The following PPP2R2B variants were observed in gnomAD, a reference collection of about 807,000 sequenced individuals.
The protein encoded by PPP2R2B is protein phosphatase 2 regulatory subunit Bbeta.
In PPP2R2B, 5 loss-of-function variants were observed where a neutral mutation model predicts 46.0. The observed-to-expected ratio is 0.11, with a 90% CI of 0.06 to 0.23. PPP2R2B has a LOEUF of 0.23. PPP2R2B is among the 10% of genes least tolerant of loss of function. PPP2R2B has a pLI of 1.00. For missense variants in PPP2R2B, 367 were observed against 575.0 expected (o/e 0.64, Z 3.70); for synonymous variants, 215 against 206.7 (o/e 1.04, Z -0.34).
At chr5:146,859,335 T>C (rs1410807716) in intron 2 of PPP2R2B, among the ~76,000 whole-genome samples, 1 of 152,220 alleles carries the variant, frequency 6.6e-6, no homozygotes, top group Admixed American at 6.5e-5. Flanking sequence ...ACTCCTTCCT[T>C]GCCTAATATT....
chr5:146,658,058 G>C (rs2151103834), intron 5 of PPP2R2B, among the ~76,000 whole-genome samples: 1 of 152,270 alleles, frequency 6.6e-6, no homozygotes, highest in East Asian at 1.9e-4. Context: ...TCCTTGAGAA[G>C]CTTAGAGGAG....
In PPP2R2B at chr5:147,000,284, T is replaced by C. The variant is rs543969016; in HGVS notation, c.79+55381A>G. Among the ~76,000 whole-genome samples the C allele has an allele frequency of 5.6e-4, 86 of 152,272 alleles. No individual in the cohort carries two copies. In the South Asian group the frequency reaches 6.8e-3, roughly 12 times the overall value. On this transcript the variant is annotated intron_variant, in intron 1 of 8. Coordinates refer to the PPP2R2B transcript ENST00000336640. ...TAGGATGAGTGCCTCATTCACTTGA[T>C]TCTAATCCCTGCTGTTAGTTCAATC...
intron 2 of PPP2R2B, among the ~76,000 whole-genome samples, chr5:146,868,681 C>T (rs926796718): frequency 5.9e-5 from 9 of 152,194 alleles, no homozygotes; most frequent in Non-Finnish European, 1.2e-4. Flanking sequence ...CCATTTCCCC[C>T]CAGTTCATTT....
chr5:146,980,868 T>A (rs1753140278), intron 1 of PPP2R2B, among the ~76,000 whole-genome samples: 1 of 152,202 alleles, frequency 6.6e-6, no homozygotes, highest in South Asian at 2.1e-4. Flanking sequence ...TTAAAAACTC[T>A]ATATCCTTAC....
At chr5:146,762,179 G>A (rs1754207412) in intron 2 of PPP2R2B, among the ~76,000 whole-genome samples, 1 of 152,164 alleles carries the variant, frequency 6.6e-6, no homozygotes, top group South Asian at 2.1e-4. Context: ...AAAGAAAAAA[G>A]TTACTGATAT....
At chr5:146,931,123 T>G (rs931708206) in intron 1 of PPP2R2B, among the ~76,000 whole-genome samples, 2 of 152,178 alleles carry the variant, frequency 1.3e-5, no homozygotes, top group Non-Finnish European at 1.5e-5. Flanking sequence ...AGTTGAGCTC[T>G]TCTATGCTCA....
intron 7 of PPP2R2B, among the ~76,000 whole-genome samples, chr5:146,604,757 G>T (rs761660149): frequency 6.6e-6 from 1 of 152,180 alleles, no homozygotes; most frequent in Non-Finnish European, 1.5e-5. Context: ...CAGGAGGAAA[G>T]GTTCAGTAAG....
chr5:146,843,064 G>A (rs1485879140), intron 2 of PPP2R2B, among the ~76,000 whole-genome samples: 1 of 152,222 alleles, frequency 6.6e-6, no homozygotes, highest in African/African-American at 2.4e-5. Flanking sequence ...GCGCATGCCT[G>A]TAATCCCAGC....
At chr5:146,721,250 G>C (rs2151194011) in intron 2 of PPP2R2B, among the ~76,000 whole-genome samples, 1 of 152,252 alleles carries the variant, frequency 6.6e-6, no homozygotes, top group African/African-American at 2.4e-5. Flanking sequence ...ACCCACTGTT[G>C]ATTAGATTTA....
In PPP2R2B at chr5:146,632,068, C is replaced by CA. The variant is rs1554116653; in HGVS notation, c.790+6182_790+6183insT. On this transcript the variant is annotated intron_variant, in intron 7 of 9. Transcript: ENST00000394411. ...TACTATGGGCTGAGTTGTGCCCCCC[C>CA]CCCCGCCCATTCATATATTGAAGTC... is the stretch of plus-strand genomic sequence containing the variant. 6.1e-5 allele frequency among the ~76,000 whole-genome samples: 8 copies of CA among 130,650 alleles called. 1 individual carries two copies. The highest frequency in any genetic ancestry group is 1.9e-4 in the African/African-American group (7 of 36,242). 85.7% of individuals were successfully genotyped at this position (130,650 alleles called of 152,430 possible).
chr5:146,842,900 T>C (rs955806952), intron 2 of PPP2R2B, among the ~76,000 whole-genome samples: 5 of 152,236 alleles, frequency 3.3e-5, no homozygotes, highest in Admixed American at 2.6e-4. Flanking sequence ...TCTAATACTT[T>C]AAAATTGGCT....
At chr5:146,689,693 C>G (rs1350347802) in intron 5 of PPP2R2B, among the ~76,000 whole-genome samples, 3 of 152,210 alleles carry the variant, frequency 2.0e-5, no homozygotes, top group Non-Finnish European at 4.4e-5. Flanking sequence ...GCTGGACTGA[C>G]TCAACAATAA....
intron 7 of PPP2R2B, among the ~76,000 whole-genome samples, chr5:146,634,849 C>A (rs1014851370): frequency 6.6e-6 from 1 of 151,998 alleles, no homozygotes; most frequent in Non-Finnish European, 1.5e-5. Context: ...GGGAGGAAAC[C>A]AGGTCTGTTT....
chr5:146,819,652 A>G (rs1758139763), intron 2 of PPP2R2B, among the ~76,000 whole-genome samples: 1 of 152,206 alleles, frequency 6.6e-6, no homozygotes, highest in Non-Finnish European at 1.5e-5. Flanking sequence ...TGTATATTAA[A>G]ATGAATTTGC....
intron 2 of PPP2R2B, among the ~76,000 whole-genome samples, chr5:146,877,087 G>C (rs1761938237): frequency 2.0e-5 from 3 of 152,108 alleles, no homozygotes; most frequent in Admixed American, 2.0e-4. Context: ...AGGATAAAAG[G>C]CCTACAGGTA....
At chr5:146,880,653 G>A (rs1028547859), upstream of PPP2R2B, among the ~76,000 whole-genome samples, 1 of 152,160 alleles carries the variant, frequency 6.6e-6, no homozygotes, top group African/African-American at 2.4e-5. Context: ...GGCTAGATTG[G>A]GACAGAGCTG....
At chr5:146,877,305 T>C (rs1327264566) in intron 2 of PPP2R2B, among the ~76,000 whole-genome samples, 1 of 152,146 alleles carries the variant, frequency 6.6e-6, no homozygotes, top group Non-Finnish European at 1.5e-5. Flanking sequence ...CTGAACCCTT[T>C]TGCTTTCTGC....
At chr5:146,922,159 T>C (rs958867494) in intron 1 of PPP2R2B, among the ~76,000 whole-genome samples, 2 of 152,184 alleles carry the variant, frequency 1.3e-5, no homozygotes, top group African/African-American at 2.4e-5. Context: ...CAGACATTGA[T>C]AAATATTGGT....
chr5:147,055,234 C>T (rs761584567), intron 1 of PPP2R2B, among the ~76,000 whole-genome samples: 6 of 152,198 alleles, frequency 3.9e-5, no homozygotes, highest in Non-Finnish European at 5.9e-5. Flanking sequence ...TAAGCTAATT[C>T]TACTTTGCTA....
Sources: gnomAD v4.1 joint callset for allele counts (sites outside exome capture counted in the v4.1 genomes callset) on GRCh38, gnomAD v4.1.1 for gene constraint, MANE v1.5 for transcripts, NCBI Gene and HGNC (gene_info 2026-07-23, HGNC 2026-07-21) for gene names.